TBC1D12: variants seen among roughly 807,000 people sequenced by gnomAD.
TBC1D12 encodes TBC1 domain family, member 12.
In TBC1D12, 56 loss-of-function variants were observed where a neutral mutation model predicts 86.7. That is an observed-to-expected ratio of 0.65 (90% CI 0.52 to 0.81). The LOEUF (loss-of-function observed/expected upper bound fraction) is 0.81, where lower values mean the gene tolerates loss of function less well. Ranked by LOEUF, TBC1D12 falls within the 30% of genes least tolerant of loss-of-function variation. TBC1D12 has a pLI of 0.00. For missense variants in TBC1D12, 1,023 were observed against 1,038.8 expected (o/e 0.98, Z 0.21); for synonymous variants, 421 against 411.7 (o/e 1.02, Z -0.27).
chr10:94,520,486 G>GCT (rs1220668072), intron 9 of TBC1D12, among the ~76,000 whole-genome samples: 1 of 151,984 alleles, frequency 6.6e-6, no homozygotes, highest in African/African-American at 2.4e-5. Flanking sequence ...GGGAGGCGGA[G>GCT]GTTGCAGTGA....
Position 94,467,690 on chromosome 10 carries a change from TAC to T in TBC1D12, c.1096-6976_1096-6975del, listed in dbSNP as rs933378217. Among the ~76,000 whole-genome samples the T allele has an allele frequency of 3.3e-4, 50 of 152,270 alleles. 1 individual carries two copies. The highest frequency in any genetic ancestry group is 1.1e-3 in the African/African-American group (47 of 41,558). ...AACCTTCAATGCATGTCCTGAATAATACAGTCATCACAGTGCTATTGCTTTGA... is the reference window on the plus strand; with the variant it reads ...AACCTTCAATGCATGTCCTGAATAATAGTCATCACAGTGCTATTGCTTTGA... On this transcript the variant is annotated intron_variant, in intron 2 of 12. Transcript: ENST00000225235.
Position 94,497,097 on chromosome 10 carries a change from G to T in TBC1D12, c.1337G>T (p.Arg446Leu). The T allele has an allele frequency of 6.4e-7, 1 of 1,565,758 alleles. No individual in the cohort carries two copies. The highest frequency in any genetic ancestry group is 8.6e-7 in the Non-Finnish European group (1 of 1,163,488). Residue 446 changes from arginine (R) to leucine (L), a missense_variant, in exon 5 of 13, where the codon CGA becomes CTA. By Grantham distance (102) the Arg-to-Leu change is moderately radical. This residue lies in a region of TBC1D12 where 395 missense variants were observed against 507.7 expected (regional missense o/e 0.78). Transcript: ENST00000225235. ...AHKRKRIMKE[R>L]FKQEENIASA... Reference sequence around the variant, plus strand: ...AAAAGAAAAAGAATCATGAAAGAACGATTTAAGCAGGAAGAAAATATTGCA... The same window carrying T: ...AAAAGAAAAAGAATCATGAAAGAACTATTTAAGCAGGAAGAAAATATTGCA...
intron 5 of TBC1D12, among the ~76,000 whole-genome samples, chr10:94,499,286 C>A (rs898132282): frequency 1.3e-5 from 2 of 152,020 alleles, no homozygotes; most frequent in African/African-American, 4.8e-5. Context: ...AAGTTTGTAC[C>A]CTTTGATCAA....
chr10:94,457,505 C>G (rs2055645654), intron 2 of TBC1D12, among the ~76,000 whole-genome samples: 1 of 152,180 alleles, frequency 6.6e-6, no homozygotes, highest in Non-Finnish European at 1.5e-5. Flanking sequence ...TCCTCAAACT[C>G]TTGGCCTCAA....
chr10:94,487,648 T>TA (rs1564972281), intron 3 of TBC1D12, among the ~76,000 whole-genome samples: 1 of 151,608 alleles, frequency 6.6e-6, no homozygotes, highest in Non-Finnish European at 1.5e-5. Context: ...TTCACTTTTT[T>TA]AAAAAAACTT....
intron 4 of TBC1D12, among the ~76,000 whole-genome samples, chr10:94,496,642 A>G (rs2056325159): frequency 1.3e-5 from 2 of 152,174 alleles, no homozygotes; most frequent in African/African-American, 2.4e-5. Flanking sequence ...AATCTACTTA[A>G]ATTATTTTTC....
intron 1 of TBC1D12, among the ~76,000 whole-genome samples, chr10:94,430,473 T>C (rs1329836746): frequency 1.3e-5 from 2 of 152,340 alleles, no homozygotes; most frequent in East Asian, 3.9e-4. Context: ...CATTCTGTTA[T>C]TTAAAAAAGC....
At chr10:94,459,602 G>T (rs2055692055) in intron 2 of TBC1D12, among the ~76,000 whole-genome samples, 1 of 152,236 alleles carries the variant, frequency 6.6e-6, no homozygotes, top group Non-Finnish European at 1.5e-5. Context: ...GGGTTGGGGG[G>T]AGCTCGGGCA....
intron 1 of TBC1D12, among the ~76,000 whole-genome samples, chr10:94,417,886 C>T (rs962631809): frequency 6.6e-6 from 1 of 150,456 alleles, no homozygotes; most frequent in African/African-American, 2.4e-5. Context: ...AGTAGCTGGA[C>T]TACAGGCGCC....
chr10:94,535,605 G>T lies in TBC1D12; in HGVS notation c.*2509G>T, dbSNP rs1842527456. ...ACTGGTAATATAATAAAATATTGAAGGAGTGGCCATGGTCTTAGCAGGTTT... is the reference window on the plus strand; with the variant it reads ...ACTGGTAATATAATAAAATATTGAATGAGTGGCCATGGTCTTAGCAGGTTT... On this transcript the variant is annotated 3_prime_UTR_variant, in exon 13 of 13. Transcript: ENST00000225235. The T allele has an allele frequency of 6.6e-6, 1 of 152,068 alleles. No homozygotes were observed. Among genetic ancestry groups the T allele is most frequent in the African/African-American group, 2.4e-5 (1 of 41,410 alleles). The allele number at this position is 152,068 out of a possible 1,614,324, so 9.4% of individuals were successfully genotyped here.
At chr10:94,515,459 T>C (rs2056580127) in intron 9 of TBC1D12, among the ~76,000 whole-genome samples, 1 of 151,306 alleles carries the variant, frequency 6.6e-6, no homozygotes. Context: ...GCAATTCTCC[T>C]GCCTCAGCCT....
intron 12 of TBC1D12, 24 bp downstream of exon 12, chr10:94,531,484 T>C: frequency 6.3e-7 from 1 of 1,594,050 alleles, no homozygotes; most frequent in Non-Finnish European, 8.6e-7. Context: ...TTCTTATCTT[T>C]AATAGATGTG....
chr10:94,463,147 G>A (rs953064860), intron 2 of TBC1D12, among the ~76,000 whole-genome samples: 2 of 151,912 alleles, frequency 1.3e-5, no homozygotes, highest in South Asian at 2.1e-4. Flanking sequence ...TTATGTAGAG[G>A]TATGTTATTT....
Position 94,507,574 on chromosome 10 carries a change from G to A in TBC1D12, c.1600+227G>A, listed in dbSNP as rs2056475455. Among the ~76,000 whole-genome samples the A allele has an allele frequency of 2.0e-5, 3 of 152,132 alleles. No homozygotes were observed. In the South Asian group the frequency reaches 6.2e-4, roughly 32 times the overall value. On this transcript the variant is annotated intron_variant, in intron 7 of 12. Transcript: ENST00000225235. Reference sequence around the variant, plus strand: ...GTGGAGAACTAAAAGTATGTAAAAGGTAAAGAAGTTTATACTGGCAGACAG... The same window carrying A: ...GTGGAGAACTAAAAGTATGTAAAAGATAAAGAAGTTTATACTGGCAGACAG...
intron 2 of TBC1D12, among the ~76,000 whole-genome samples, chr10:94,444,187 AG>A (rs2055419105): frequency 1.3e-5 from 2 of 151,356 alleles, no homozygotes; most frequent in Admixed American, 6.6e-5. Context: ...AAAAAAAAAA[AG>A]AATGAAAGAA....
chr10:94,441,903 T>C lies in TBC1D12; in HGVS notation c.979T>C (p.Phe327Leu). The change falls in exon 2 of 13, where the codon TTT (phenylalanine) becomes CTT (leucine). Residue 327 changes from phenylalanine (F) to leucine (L), a missense_variant. Phe to Leu is a conservative substitution (Grantham distance 22). Transcript: ENST00000225235. Reference protein sequence around the residue: ...GFADFFTRNLFPKRTKELKSV... With the variant: ...GFADFFTRNLLPKRTKELKSV... ...AACTTTTCTGTGTTTCAGAAACCTT[T>C]TTCCAAAAAGGACAAAGGAACTCAA... The C allele has an allele frequency of 6.2e-7, 1 of 1,610,726 alleles. No homozygotes were observed. Among genetic ancestry groups the C allele is most frequent in the Non-Finnish European group, 8.5e-7 (1 of 1,179,006 alleles).
chr10:94,433,521 C>T (rs1479972608), intron 1 of TBC1D12, among the ~76,000 whole-genome samples: 1 of 152,136 alleles, frequency 6.6e-6, no homozygotes, highest in Non-Finnish European at 1.5e-5. Context: ...ATCTGATAGA[C>T]AATATTAATA....
Position 94,490,443 on chromosome 10 carries a change from G to A in TBC1D12, c.1212-2922G>A, listed in dbSNP as rs142243447. ...AGCAAATCACAGTATAGTAAGGTAT[G>A]CCTATAGTATATTTATAACAGCTAT... On this transcript the variant is annotated intron_variant, in intron 3 of 12. Transcript: ENST00000225235. Among the ~76,000 whole-genome samples the A allele has an allele frequency of 1.6e-3, 240 of 152,150 alleles. 1 individual carries two copies. The highest frequency in any genetic ancestry group is 5.2e-3 in the African/African-American group (216 of 41,516).
intron 1 of TBC1D12, among the ~76,000 whole-genome samples, chr10:94,407,167 G>A (rs931925956): frequency 2.0e-5 from 3 of 152,154 alleles, no homozygotes; most frequent in African/African-American, 4.8e-5. Context: ...AGATATATAG[G>A]AAAAACAGGA....
Sources: gnomAD v4.1 joint callset for allele counts (sites outside exome capture counted in the v4.1 genomes callset) on GRCh38, gnomAD v4.1.1 for gene constraint, gnomAD v4.1.1 regional missense constraint, MANE v1.5 for transcripts, NCBI Gene and HGNC (gene_info 2026-07-23, HGNC 2026-07-21) for gene names.